UBE2H: variants seen among roughly 807,000 people sequenced by gnomAD.
UBE2H encodes the protein ubiquitin conjugating enzyme E2 H, also known as ubiquitin-conjugating enzyme E2 H.
In UBE2H, 3 loss-of-function variants were observed where a neutral mutation model predicts 29.0. The ratio of observed to expected loss-of-function variants is 0.10; its 90% confidence interval spans 0.05 to 0.27. UBE2H has a LOEUF of 0.27. Ranked by LOEUF, UBE2H falls within the 10% of genes least tolerant of loss-of-function variation. UBE2H has a pLI of 1.00. For missense variants in UBE2H, 68 were observed against 228.2 expected, an observed-to-expected ratio of 0.30 and a Z score of 4.52; for synonymous variants, 69 against 82.9, an observed-to-expected ratio of 0.83 and a Z score of 0.91.
At chr7:129,924,138 AAAGT>A (rs1377450392) in intron 1 of UBE2H, among the ~76,000 whole-genome samples, 1 of 152,206 alleles carries the variant, frequency 6.6e-6, no homozygotes, top group Non-Finnish European at 1.5e-5. Flanking sequence ...TCAGGAGGCC[AAAGT>A]AATAGGATCA....
chr7:129,868,609 A>AG (rs1209599708), intron 3 of UBE2H, among the ~76,000 whole-genome samples: 69 of 150,984 alleles, frequency 4.6e-4, no homozygotes, highest in Middle Eastern at 3.4e-3. Flanking sequence ...AAAAAAAAAA[A>AG]AAAGAAAGAA....
At chr7:129,844,944 C>A (rs1265121040) in intron 5 of UBE2H, among the ~76,000 whole-genome samples, 1 of 152,174 alleles carries the variant, frequency 6.6e-6, no homozygotes, top group East Asian at 1.9e-4. Context: ...GCCTGGCCAA[C>A]GTGGCAAAAC....
intron 1 of UBE2H, among the ~76,000 whole-genome samples, chr7:129,921,531 C>T (rs1406818607): frequency 6.6e-6 from 1 of 151,916 alleles, no homozygotes; most frequent in Non-Finnish European, 1.5e-5. Flanking sequence ...AACCCTGTCT[C>T]TACTAAAAAT....
intron 1 of UBE2H, among the ~76,000 whole-genome samples, chr7:129,881,756 C>T (rs546624388): frequency 6.6e-6 from 1 of 152,252 alleles, no homozygotes; most frequent in South Asian, 2.1e-4. Flanking sequence ...GTCATATAAA[C>T]CCAGTATTCC....
chr7:129,919,172 A>G (rs1327818148), intron 1 of UBE2H, among the ~76,000 whole-genome samples: 2 of 147,670 alleles, frequency 1.4e-5, no homozygotes, highest in African/African-American at 5.3e-5. Flanking sequence ...ATATGCTAGG[A>G]AAGAATAGAA....
At chr7:129,848,546 T>C (rs1267530619) in intron 5 of UBE2H, among the ~76,000 whole-genome samples, 2 of 152,206 alleles carry the variant, frequency 1.3e-5, no homozygotes, top group Non-Finnish European at 2.9e-5. Flanking sequence ...ATTCCCTCTG[T>C]GACTTACATA....
intron 5 of UBE2H, among the ~76,000 whole-genome samples, chr7:129,846,346 AAATAATAATAATAATAATAAT>A (rs71175044): frequency 2.7e-4 from 40 of 146,392 alleles, no homozygotes; most frequent in South Asian, 2.2e-3. Flanking sequence ...GGTCTCTACA[AAATAATAATAATAATAATAAT>A]AATAATAATA....
At position 129,934,632 on chromosome 7, in the gene UBE2H, C is replaced by T. The variant is rs1289978072; in HGVS notation, c.53+17871G>A. On this transcript the variant is annotated intron_variant, in intron 1 of 6. Coordinates refer to ENST00000355621, the MANE Select transcript of UBE2H (RefSeq NM_003344.4). ...CAGCCTGGGCGACAGAGCAAGACTC[C>T]GTCTTTAAAAAAAAAAAAAAAAAAA... Among the ~76,000 whole-genome samples the T allele has an allele frequency of 9.3e-5, 11 of 118,756 alleles. No individual in the cohort carries two copies. In the South Asian group the frequency reaches 1.8e-3, roughly 19 times the overall value. The allele number at this position is 118,756 out of a possible 152,430, so 77.9% of individuals were successfully genotyped here.
intron 1 of UBE2H, among the ~76,000 whole-genome samples, chr7:129,946,723 G>A (rs988428783): frequency 6.6e-6 from 1 of 152,206 alleles, no homozygotes; most frequent in African/African-American, 2.4e-5. Context: ...TCAAACTAAA[G>A]TTTGAGAACT....
At chr7:129,905,770 C>T (rs1806803267) in intron 1 of UBE2H, among the ~76,000 whole-genome samples, 2 of 152,086 alleles carry the variant, frequency 1.3e-5, no homozygotes, top group Admixed American at 1.3e-4. Context: ...TAATACCATT[C>T]AGCAATCGAG....
intron 1 of UBE2H, among the ~76,000 whole-genome samples, chr7:129,895,744 CA>C (rs1434993598): frequency 6.6e-6 from 1 of 151,616 alleles, no homozygotes; most frequent in African/African-American, 2.4e-5. Flanking sequence ...ACTAAAAATA[CA>C]AAAAAATTAG....
rs186460652 is a variant in UBE2H, at chr7:129,834,706, C to T, written c.*231G>A. On this transcript the variant is annotated 3_prime_UTR_variant, in exon 7 of 7. Transcript: ENST00000355621. ...GGACTCATGAATGCATGCATTCAGA[C>T]CGCATATTGCTACCAAATGGAATGT... The T allele has an allele frequency of 3.1e-5, 14 of 445,728 alleles. No homozygotes were observed. Among genetic ancestry groups the T allele is most frequent in the Non-Finnish European group, 4.7e-5 (12 of 257,500 alleles). 27.6% of individuals were successfully genotyped at this position (445,728 alleles called of 1,614,324 possible). A position where few individuals can be genotyped will look rare whatever the true frequency, so the allele number is the denominator to read the frequency against.
At chr7:129,928,914 C>A (rs1807328641) in intron 1 of UBE2H, among the ~76,000 whole-genome samples, 1 of 152,176 alleles carries the variant, frequency 6.6e-6, no homozygotes, top group Non-Finnish European at 1.5e-5. Flanking sequence ...TGAATTCTAG[C>A]ATTGAAATCT....
intron 1 of UBE2H, among the ~76,000 whole-genome samples, chr7:129,884,090 TG>T (rs1232919274): frequency 2.0e-5 from 3 of 148,256 alleles, no homozygotes; most frequent in Non-Finnish European, 3.0e-5. Context: ...AGTGTGACTC[TG>T]TCTCAAAAAA....
chr7:129,842,853 A>C (rs1024150273), intron 5 of UBE2H, among the ~76,000 whole-genome samples: 1 of 152,172 alleles, frequency 6.6e-6, no homozygotes, highest in Admixed American at 6.5e-5. Flanking sequence ...CAGTGAGCCC[A>C]GACTGCGCCA....
intron 1 of UBE2H, among the ~76,000 whole-genome samples, chr7:129,938,317 C>T (rs1279886908): frequency 1.5e-5 from 2 of 129,912 alleles, no homozygotes; most frequent in African/African-American, 2.9e-5. Context: ...GGGGATGAGG[C>T]GGGATTGCTT....
At chr7:129,844,823 AT>A (rs547645170) in intron 5 of UBE2H, among the ~76,000 whole-genome samples, 177 of 152,342 alleles carry the variant, frequency 1.2e-3, no homozygotes, top group Non-Finnish European at 2.0e-3. Flanking sequence ...TATAATTTAT[AT>A]TCATATTTAC....
At chr7:129,947,617 C>T (rs1807791699) in intron 1 of UBE2H, among the ~76,000 whole-genome samples, 1 of 152,114 alleles carries the variant, frequency 6.6e-6, no homozygotes, top group Admixed American at 6.6e-5. Flanking sequence ...TACAGATCCC[C>T]ATATACATCC....
chr7:129,921,226 T>G (rs1465487329), intron 1 of UBE2H, among the ~76,000 whole-genome samples: 1 of 152,140 alleles, frequency 6.6e-6, no homozygotes, highest in Non-Finnish European at 1.5e-5. Context: ...ATTGTACTCA[T>G]CATTCTATAT....
Sources: gnomAD v4.1 joint callset for allele counts (sites outside exome capture counted in the v4.1 genomes callset) on GRCh38, gnomAD v4.1.1 for gene constraint, MANE v1.5 for transcripts, NCBI Gene and HGNC (gene_info 2026-07-23, HGNC 2026-07-21) for gene names.